The following TENT5A variants were observed in gnomAD, a reference collection of about 807,000 sequenced individuals.
TENT5A encodes HBV X-transactivated gene 11 protein.
TENT5A carries 9 observed loss-of-function variants against 30.2 expected under a neutral mutation model. The ratio of observed to expected loss-of-function variants is 0.30; its 90% CI spans 0.18 to 0.52. The LOEUF (loss-of-function observed/expected upper bound fraction) is 0.52, where lower values mean the gene tolerates loss of function less well. TENT5A is among the 20% of genes least tolerant of loss of function. The pLI is 0.97. For synonymous variants in TENT5A, 264 were observed against 234.2 expected, an observed-to-expected ratio of 1.13 and a Z score of -1.16; for missense variants, 411 against 566.1, an observed-to-expected ratio of 0.73 and a Z score of 2.78.
rs1420093076 is a variant in TENT5A, at chr6:81,749,754, C to T, written c.1270G>A (p.Val424Ile). The change falls in exon 3 of 3, where the codon GTT (valine) becomes ATT (isoleucine). Residue 424 changes from valine to isoleucine, a missense_variant. Transcript: ENST00000320172. ...TGCTGGCACGTGAATACTGGCTGAA[C>T]CTGTGCAATGTAGTAATTGCTAAAG... The part of the protein sequence containing the change: ...ANFSNYYIAQ[V>I]QPVFTCQQQT... 6.2e-7 allele frequency: 1 copy of T among 1,613,432 alleles called. No homozygotes were observed. The highest frequency in any genetic ancestry group is 8.5e-7 in the Non-Finnish European group (1 of 1,179,948).
Position 81,746,349 on chromosome 6 carries a change from T to C in TENT5A, c.*3346A>G, listed in dbSNP as rs542605984. On this transcript the variant is annotated 3_prime_UTR_variant, in exon 3 of 3. Transcript: ENST00000320172. Reference sequence around the variant, plus strand: ...AAGCGTTGCATTGAAAACAACTTTATGCACAGTGAAGCAACCAACAATAAG... The same window carrying C: ...AAGCGTTGCATTGAAAACAACTTTACGCACAGTGAAGCAACCAACAATAAG... 3.3e-6 allele frequency: 4 copies of C among 1,226,242 alleles called. No homozygotes were observed. Among genetic ancestry groups the C allele is most frequent in the South Asian group, 8.5e-5 (2 of 23,428 alleles). 76.0% of individuals were successfully genotyped at this position (1,226,242 alleles called of 1,614,324 possible).
chr6:81,751,628 C>G lies in TENT5A; in HGVS notation c.514G>C (p.Gly172Arg), dbSNP rs1769036480. Residue 172 changes from glycine (G) to arginine (R), a missense_variant, in exon 2 of 3, where the codon GGG becomes CGG. Coordinates refer to ENST00000320172, the MANE Select transcript of TENT5A (RefSeq NM_017633.3). ...LDCLLDFLPE[G>R]VNKEKITPLT... ...GGTGTGATCTTCTCTTTGTTCACCCCCTCGGGTAAGAAGTCCAACAGGCAG... is the reference window on the plus strand; with the variant it reads ...GGTGTGATCTTCTCTTTGTTCACCCGCTCGGGTAAGAAGTCCAACAGGCAG... 6.2e-7 allele frequency: 1 copy of G among 1,613,670 alleles called. No individual in the cohort carries two copies. The highest frequency in any genetic ancestry group is 1.3e-5 in the African/African-American group (1 of 75,024).
rs937719524 is a variant in TENT5A, at chr6:81,748,394, A to G, written c.*1301T>C. On this transcript the variant is annotated 3_prime_UTR_variant, in exon 3 of 3. Coordinates refer to ENST00000320172, the MANE Select transcript of TENT5A (RefSeq NM_017633.3). ...TTTTATGGCTCACCAAAGAAAAAAA[A>G]AAAAAGAAAAAAAAATCCCACTAAA... 1.3e-5 allele frequency: 13 copies of G among 983,024 alleles called. No individual in the cohort carries two copies. Among genetic ancestry groups the G allele is most frequent in the African/African-American group, 3.5e-5 (2 of 57,040 alleles). The allele number at this position is 983,024 out of a possible 1,614,324, so 60.9% of individuals were successfully genotyped here. A position where few individuals can be genotyped will look rare whatever the true frequency, so the allele number is the denominator to read the frequency against.
In TENT5A at chr6:81,748,477, AT is replaced by A; in HGVS notation, c.*1217del. 2 of 982,074 alleles carry A rather than the reference AT, an allele frequency of 2.0e-6. No homozygotes were observed. Among genetic ancestry groups the A allele is most frequent in the Non-Finnish European group, 2.4e-6 (2 of 827,198 alleles). 60.8% of individuals were successfully genotyped at this position (982,074 alleles called of 1,614,324 possible). ...ATTACTTGGTTCCCTCCTTCATTTA[AT>A]TTTTTTAGATGTGGATTTAATTCAT... On this transcript the variant is annotated 3_prime_UTR_variant, in exon 3 of 3. Coordinates refer to ENST00000320172, the MANE Select transcript of TENT5A (RefSeq NM_017633.3).
Position 81,751,785 on chromosome 6 carries a change from G to A in TENT5A, c.357C>T (p.Arg119=), listed in dbSNP as rs770376618. 17 of 1,612,908 alleles carry A rather than the reference G, an allele frequency of 1.1e-5. No individual in the cohort carries two copies. The East Asian group carries it at 3.3e-4, about 32-fold the overall frequency. ...CATGGCTGGCTGCCGAGCCGTTGAG[G>A]CGCACGTCGCGGACGCCAATGCGCT... ...AEKRIGVRDV[R]LNGSAASHVL... is the part of the protein sequence containing the mutation. The change falls in exon 2 of 3, where the codon CGC becomes CGT. Residue 119 remains arginine, a synonymous_variant. Coordinates refer to ENST00000320172, the MANE Select transcript of TENT5A (RefSeq NM_017633.3).
rs957386295 is a variant in TENT5A at position 81,748,196 on chromosome 6, ATCC to A, written c.*1496_*1498del. The A allele has an allele frequency of 1.1e-5, 11 of 985,402 alleles. No individual in the cohort carries two copies. The African/African-American group carries it at 1.6e-4, about 14-fold the overall frequency. The allele number at this position is 985,402 out of a possible 1,614,324, so 61.0% of individuals were successfully genotyped here. A position where few individuals can be genotyped will look rare whatever the true frequency, so the allele number is the denominator to read the frequency against. On this transcript the variant is annotated 3_prime_UTR_variant, in exon 3 of 3. Coordinates refer to ENST00000320172, the MANE Select transcript of TENT5A (RefSeq NM_017633.3). The stretch of plus-strand genomic sequence containing the variant: ...GCAAGTAGTGTTTAGATCACCGGAA[ATCC>A]TTTTTAGCAGTCAGGGATTTAAGTA...
chr6:81,752,282 G>T (rs977432874), intron 1 of TENT5A, 104 bp from the exon 2 acceptor site: 50 of 1,502,632 alleles, frequency 3.3e-5, no homozygotes, highest in Non-Finnish European at 4.0e-5. Context: ...CCCCTCCCCC[G>T]ATAGTTCCCT....
chr6:81,746,732 CACAGGCGCTA>C lies in TENT5A; in HGVS notation c.*2953_*2962del. Reference sequence around the variant, plus strand: ...CAGATAAACACAAAAGGAAACAAATCACAGGCGCTAATAGGGAGTCGGGAGCTGTTCTTTT... The same window carrying C: ...CAGATAAACACAAAAGGAAACAAATCATAGGGAGTCGGGAGCTGTTCTTTT... On this transcript the variant is annotated 3_prime_UTR_variant, in exon 3 of 3. Coordinates refer to ENST00000320172, the MANE Select transcript of TENT5A (RefSeq NM_017633.3). 8.2e-7 allele frequency: 1 copy of C among 1,224,942 alleles called. No homozygotes were observed. The highest frequency in any genetic ancestry group is 1.0e-6 in the Non-Finnish European group (1 of 983,894). 75.9% of individuals were successfully genotyped at this position (1,224,942 alleles called of 1,614,324 possible).
At chr6:81,751,551 G>A in intron 2 of TENT5A, 39 bp downstream of exon 2, 1 of 1,539,944 alleles carries the variant, frequency 6.5e-7, no homozygotes, top group Non-Finnish European at 8.8e-7. Context: ...ACCCGGCCCA[G>A]ACTGGGTCAG....
rs577027843 is a variant in TENT5A, at chr6:81,748,631, T to C, written c.*1064A>G. ...CTACTGTGTATATATACATATAAAA[T>C]GTATATATAAAATGTATATATACAC... On this transcript the variant is annotated 3_prime_UTR_variant, in exon 3 of 3. Coordinates refer to ENST00000320172, the MANE Select transcript of TENT5A (RefSeq NM_017633.3). 104 of 921,658 alleles carry C rather than the reference T, an allele frequency of 1.1e-4. 1 individual carries two copies. In the South Asian group the frequency reaches 4.7e-3, roughly 41 times the overall value. The allele number at this position is 921,658 out of a possible 1,614,324, so 57.1% of individuals were successfully genotyped here.
Position 81,750,176 on chromosome 6 carries a change from C to T in TENT5A, c.848G>A (p.Arg283Lys). The part of the protein sequence containing the change: ...DHLCNKIIAT[R>K]NPEEIRGGGL... The stretch of plus-strand genomic sequence containing the variant: ...TCCCCCTCGGATTTCCTCTGGGTTC[C>T]TGGTGGCAATGATCTTGTTACAAAG... The change falls in exon 3 of 3, where the codon AGG becomes AAG. Residue 283 changes from arginine (R) to lysine (K), a missense_variant. By Grantham distance (26) the Arg-to-Lys change is conservative. Coordinates refer to ENST00000320172, the MANE Select transcript of TENT5A (RefSeq NM_017633.3). This position sits in a 1 kb window ranked among gnomAD's most constrained non-coding sequence, Gnocchi z 4.2. 2 of 1,614,108 alleles carry T rather than the reference C, an allele frequency of 1.2e-6. No homozygotes were observed. The highest frequency in any genetic ancestry group is 1.7e-6 in the Non-Finnish European group (2 of 1,180,006).
In TENT5A at chr6:81,746,839, C is replaced by CATAT; in HGVS notation, c.*2852_*2855dup. 8.7e-7 allele frequency: 1 copy of CATAT among 1,147,588 alleles called. No individual in the cohort carries two copies. Among genetic ancestry groups the CATAT allele is most frequent in the Non-Finnish European group, 1.1e-6 (1 of 935,274 alleles). The allele number at this position is 1,147,588 out of a possible 1,614,324, so 71.1% of individuals were successfully genotyped here. On this transcript the variant is annotated 3_prime_UTR_variant, in exon 3 of 3. Coordinates refer to ENST00000320172, the MANE Select transcript of TENT5A (RefSeq NM_017633.3). ...TAGGCCGCACATCCACAAAGAGAGA[C>CATAT]ATATATTTCACTGTGTGTTCAACTA...
Position 81,746,050 on chromosome 6 carries a change from A to C in TENT5A, c.*3645T>G. 9.1e-6 allele frequency: 9 copies of C among 985,750 alleles called. No individual in the cohort carries two copies. Among genetic ancestry groups the C allele is most frequent in the Non-Finnish European group, 1.1e-5 (9 of 829,800 alleles). The allele number at this position is 985,750 out of a possible 1,614,324, so 61.1% of individuals were successfully genotyped here. A position where few individuals can be genotyped will look rare whatever the true frequency, so the allele number is the denominator to read the frequency against. On this transcript the variant is annotated 3_prime_UTR_variant, in exon 3 of 3. Transcript: ENST00000320172. ...AGTCTCGTTAACTTGACATCTTCCAACTTTGTACTTTACCATTTGCTTTGT... is the reference window on the plus strand; with the variant it reads ...AGTCTCGTTAACTTGACATCTTCCACCTTTGTACTTTACCATTTGCTTTGT...
In TENT5A at chr6:81,751,692, C is replaced by T. The variant is rs1159547952; in HGVS notation, c.450G>A (p.Gly150=). ...LDLIFCADLR[G]EGEFQTVKDV... The stretch of plus-strand genomic sequence containing the variant: ...CCTTCACAGTCTGAAACTCCCCTTC[C>T]CCGCGCAGGTCGGCGCAGAAGATGA... Residue 150 remains glycine, a synonymous_variant, in exon 2 of 3, where the codon GGG becomes GGA. Coordinates refer to ENST00000320172, the MANE Select transcript of TENT5A (RefSeq NM_017633.3). 3.7e-6 allele frequency: 6 copies of T among 1,614,092 alleles called. No individual in the cohort carries two copies. In the African/African-American group the frequency reaches 8.0e-5, roughly 22 times the overall value.
chr6:81,749,645 C>G lies in TENT5A; in HGVS notation c.*50G>C. Reference sequence around the variant, plus strand: ...TTTTTTTTCTTTTTTTTTTTTTTCTCTCCTGTCTTGTCTGAAATGGCTTCC... The same window carrying G: ...TTTTTTTTCTTTTTTTTTTTTTTCTGTCCTGTCTTGTCTGAAATGGCTTCC... On this transcript the variant is annotated 3_prime_UTR_variant, in exon 3 of 3. Transcript: ENST00000320172. 7.3e-7 allele frequency: 1 copy of G among 1,361,586 alleles called. No individual in the cohort carries two copies. Among genetic ancestry groups the G allele is most frequent in the Non-Finnish European group, 9.6e-7 (1 of 1,038,320 alleles). The allele number at this position is 1,361,586 out of a possible 1,614,324, so 84.3% of individuals were successfully genotyped here. A position where few individuals can be genotyped will look rare whatever the true frequency, so the allele number is the denominator to read the frequency against.
At position 81,752,671 on chromosome 6, in the gene TENT5A, A is replaced by G. The variant is rs1194069128; in HGVS notation, c.-278T>C. 2.8e-6 allele frequency: 2 copies of G among 717,600 alleles called. No individual in the cohort carries two copies. The highest frequency in any genetic ancestry group is 5.2e-6 in the Non-Finnish European group (2 of 385,446). 44.5% of individuals were successfully genotyped at this position (717,600 alleles called of 1,614,324 possible). On this transcript the variant is annotated 5_prime_UTR_variant, in exon 1 of 3. Transcript: ENST00000320172. The stretch of plus-strand genomic sequence containing the variant: ...CACACGCTCGTGTCTCTGGAGCTTT[A>G]GCAGTTGTGCGGGGAAAATGTCTTC...
At position 81,752,627 on chromosome 6, in the gene TENT5A, C is replaced by G; in HGVS notation, c.-234G>C. 1 of 723,732 alleles carries G rather than the reference C, an allele frequency of 1.4e-6. No homozygotes were observed. The highest frequency in any genetic ancestry group is 2.6e-6 in the Non-Finnish European group (1 of 390,942). 44.8% of individuals were successfully genotyped at this position (723,732 alleles called of 1,614,324 possible). On this transcript the variant is annotated 5_prime_UTR_variant, in exon 1 of 3. Coordinates refer to ENST00000320172, the MANE Select transcript of TENT5A (RefSeq NM_017633.3). ...CCACCCCAGCTGCGGTGGTCCCGAA[C>G]TGGCGGCTCTTGCTGCCACACACGC...
In TENT5A at chr6:81,750,530, A is replaced by G; in HGVS notation, c.553-59T>C. On this transcript the variant is annotated intron_variant, in intron 2 of 2. Coordinates refer to ENST00000320172, the MANE Select transcript of TENT5A (RefSeq NM_017633.3). The surrounding 1 kb of genome is among the most constrained non-coding windows in gnomAD (Gnocchi z 4.2). ...CCTAGAAAATAATAAATCAATAAATAAATACATCCTCTTCACAGCTGAGAA... is the reference window on the plus strand; with the variant it reads ...CCTAGAAAATAATAAATCAATAAATGAATACATCCTCTTCACAGCTGAGAA... 9.6e-7 allele frequency: 1 copy of G among 1,042,008 alleles called. No homozygotes were observed. Among genetic ancestry groups the G allele is most frequent in the East Asian group, 2.6e-5 (1 of 38,438 alleles). The allele number at this position is 1,042,008 out of a possible 1,614,324, so 64.5% of individuals were successfully genotyped here.
Position 81,746,423 on chromosome 6 carries a change from C to T in TENT5A, c.*3272G>A. ...CAGTACGTTCACTTTTCATTTCCTT[C>T]CTTGGTTTGGATTACACATATTCTT... On this transcript the variant is annotated 3_prime_UTR_variant, in exon 3 of 3. Coordinates refer to ENST00000320172, the MANE Select transcript of TENT5A (RefSeq NM_017633.3). 2.4e-6 allele frequency: 3 copies of T among 1,231,328 alleles called. No individual in the cohort carries two copies. The highest frequency in any genetic ancestry group is 3.0e-6 in the Non-Finnish European group (3 of 987,508). 76.3% of individuals were successfully genotyped at this position (1,231,328 alleles called of 1,614,324 possible). A position where few individuals can be genotyped will look rare whatever the true frequency, so the allele number is the denominator to read the frequency against.
Sources: gnomAD v4.1 joint callset for allele counts on GRCh38, gnomAD v4.1.1 for gene constraint, Gnocchi (gnomAD v3.1) non-coding constraint, MANE v1.5 for transcripts, NCBI Gene and HGNC (gene_info 2026-07-23, HGNC 2026-07-21) for gene names.